The following SCN11A variants were observed in gnomAD, a reference collection of about 807,000 sequenced individuals.
The protein encoded by SCN11A is sodium voltage-gated channel alpha subunit 11.
SCN11A carries 122 observed loss-of-function variants against 162.2 expected under a neutral mutation model. The observed-to-expected ratio is 0.75, with a 90% CI of 0.65 to 0.87. The LOEUF is 0.87. Ranked by LOEUF, SCN11A falls within the 40% of genes least tolerant of loss-of-function variation. The pLI is 0.00. For synonymous variants in SCN11A, 758 were observed against 751.5 expected (o/e 1.01, Z -0.14); for missense variants, 2,015 against 2,181.6 (o/e 0.92, Z 1.52).
intron 2 of SCN11A, among the ~76,000 whole-genome samples, chr3:38,999,761 C>A (rs1468669428): frequency 2.0e-5 from 3 of 152,156 alleles, no homozygotes; most frequent in Non-Finnish European, 2.9e-5. Context: ...TGAGTGGAGA[C>A]TAGCTTTATA....
intron 27 of SCN11A, among the ~76,000 whole-genome samples, chr3:38,863,667 G>C (rs1355124138): frequency 1.3e-5 from 2 of 151,806 alleles, no homozygotes; most frequent in Admixed American, 6.6e-5. Context: ...ATCTCATAAA[G>C]GGCAATTGAA....
At chr3:39,025,277 T>C (rs746032662) in intron 2 of SCN11A, among the ~76,000 whole-genome samples, 1 of 152,020 alleles carries the variant, frequency 6.6e-6, no homozygotes, top group Non-Finnish European at 1.5e-5. Context: ...GTACTCAGCA[T>C]GCCAAATTGC....
chr3:39,007,629 G>A (rs2031013684), intron 2 of SCN11A, among the ~76,000 whole-genome samples: 1 of 152,218 alleles, frequency 6.6e-6, no homozygotes, highest in Non-Finnish European at 1.5e-5. Flanking sequence ...AAAGTTTCCA[G>A]GTTGGGGAAT....
intron 14 of SCN11A, 85 bp from the exon 15 acceptor site, chr3:38,905,406 A>G: frequency 6.7e-7 from 1 of 1,485,934 alleles, no homozygotes. Context: ...CCAATGCTAC[A>G]TGTAATGAAA....
At chr3:38,942,865 G>A (rs1188901191) in intron 7 of SCN11A, among the ~76,000 whole-genome samples, 3 of 152,134 alleles carry the variant, frequency 2.0e-5, no homozygotes, top group Non-Finnish European at 2.9e-5. Flanking sequence ...TTCATATATT[G>A]CTGATATGAA....
At chr3:38,997,389 A>G (rs1259336035) in intron 2 of SCN11A, among the ~76,000 whole-genome samples, 3 of 152,102 alleles carry the variant, frequency 2.0e-5, no homozygotes, top group African/African-American at 4.8e-5. Context: ...TAGCTCCCTC[A>G]TCTCCTTTAA....
At chr3:39,023,475 CTTCCTTTATATCT>C (rs1451505804) in intron 2 of SCN11A, among the ~76,000 whole-genome samples, 1 of 152,046 alleles carries the variant, frequency 6.6e-6, no homozygotes, top group African/African-American at 2.4e-5. Flanking sequence ...TTCTGCAATG[CTTCCTTTATATCT>C]TTTATTGCTT....
At chr3:38,904,243 C>G in intron 15 of SCN11A, 140 bp from the exon 16 acceptor site, 1 of 542,822 alleles carries the variant, frequency 1.8e-6, no homozygotes, top group Non-Finnish European at 3.2e-6. Context: ...TTTGTGTAGT[C>G]AGAAAGGTTT....
Position 38,897,015 on chromosome 3 carries a change from A to C in SCN11A, c.2233T>G (p.Cys745Gly), listed in dbSNP as rs1325645861. The C allele has an allele frequency of 6.2e-7, 1 of 1,614,152 alleles. No homozygotes were observed. The highest frequency in any genetic ancestry group is 8.5e-7 in the Non-Finnish European group (1 of 1,180,008). The change falls in exon 18 of 30, where the codon TGT becomes GGT. Residue 745 changes from cysteine (C) to glycine (G), a missense_variant. Transcript: ENST00000302328. Reference protein sequence around the residue: ...LCNPTGPTVSCLRHWHMGDFW... With the variant: ...LCNPTGPTVSGLRHWHMGDFW... ...TCCCCCATGTGCCAGTGCCGTAAAC[A>C]TGAGACTGTCGGGCCTGTCGGGTTA...
At chr3:38,954,775 G>C (rs1355901303) in intron 3 of SCN11A, among the ~76,000 whole-genome samples, 1 of 152,150 alleles carries the variant, frequency 6.6e-6, no homozygotes, top group African/African-American at 2.4e-5. Flanking sequence ...GATTACCTGA[G>C]GTCAGGAGTT....
chr3:38,881,572 G>C (rs780037437), intron 22 of SCN11A, among the ~76,000 whole-genome samples: 3 of 152,148 alleles, frequency 2.0e-5, no homozygotes, highest in Non-Finnish European at 4.4e-5. Flanking sequence ...TAGTTGCCTA[G>C]ACCAGAGTTT....
chr3:38,905,324 G>A lies in SCN11A; in HGVS notation c.1474-3C>T. 4 of 1,612,936 alleles carry A rather than the reference G, an allele frequency of 2.5e-6. No individual in the cohort carries two copies. The highest frequency in any genetic ancestry group is 3.4e-6 in the Non-Finnish European group (4 of 1,179,336). The stretch of plus-strand genomic sequence containing the variant: ...TTGGTTTGCTCTAGGAGCTGTGGCT[G>A]TAAGAGAAGGCATAGGGCACCTTCT... On this transcript the variant is annotated splice_region_variant and splice_polypyrimidine_tract_variant and intron_variant, in intron 14 of 29. Transcript: ENST00000302328.
At chr3:38,982,505 C>T (rs181432754) in intron 2 of SCN11A, among the ~76,000 whole-genome samples, 9 of 152,252 alleles carry the variant, frequency 5.9e-5, no homozygotes, top group Non-Finnish European at 1.2e-4. Flanking sequence ...ACAGCCCTGC[C>T]GAGCTAATAA....
intron 2 of SCN11A, among the ~76,000 whole-genome samples, chr3:39,031,544 A>C (rs1458924251): frequency 4.8e-5 from 7 of 145,732 alleles, no homozygotes; most frequent in Non-Finnish European, 7.4e-5. Context: ...CAAACAAACA[A>C]AAAAAAAACA....
chr3:39,046,707 C>G (rs1254824644), intron 1 of SCN11A, among the ~76,000 whole-genome samples: 2 of 152,074 alleles, frequency 1.3e-5, no homozygotes, highest in South Asian at 2.1e-4. Flanking sequence ...AGAAATAAAT[C>G]CATGTATTTA....
intron 28 of SCN11A, among the ~76,000 whole-genome samples, chr3:38,854,320 T>C (rs949690556): frequency 2.6e-5 from 4 of 152,202 alleles, no homozygotes; most frequent in Non-Finnish European, 4.4e-5. Flanking sequence ...AGGAAAAGTC[T>C]GTCAATCCCT....
At chr3:39,008,731 T>C (rs1156741416) in intron 2 of SCN11A, among the ~76,000 whole-genome samples, 1 of 151,798 alleles carries the variant, frequency 6.6e-6, no homozygotes, top group East Asian at 1.9e-4. Context: ...TCTACTAAAA[T>C]ACAAGGGTGG....
chr3:38,976,780 G>T (rs1240233827), intron 2 of SCN11A, among the ~76,000 whole-genome samples: 3 of 152,010 alleles, frequency 2.0e-5, no homozygotes, highest in Non-Finnish European at 4.4e-5. Context: ...CTTGCACCCA[G>T]GATCTCTAAT....
At chr3:39,039,737 G>T (rs1212670158) in intron 1 of SCN11A, among the ~76,000 whole-genome samples, 1 of 152,088 alleles carries the variant, frequency 6.6e-6, no homozygotes, top group Non-Finnish European at 1.5e-5. Flanking sequence ...CAGTGATGAG[G>T]CTGCCTTATG....
Sources: gnomAD v4.1 joint callset for allele counts (sites outside exome capture counted in the v4.1 genomes callset) on GRCh38, gnomAD v4.1.1 for gene constraint, MANE v1.5 for transcripts, NCBI Gene and HGNC (gene_info 2026-07-23, HGNC 2026-07-21) for gene names.